Variants in RTN4 observed in about 807,000 individuals in gnomAD.
The protein encoded by RTN4 is reticulon 4, also known as reticulon-4.
A neutral mutation model predicts 90.4 loss-of-function variants in RTN4; 32 were observed. That is an observed-to-expected ratio of 0.35 (90% confidence interval 0.27 to 0.48). The LOEUF (loss-of-function observed/expected upper bound fraction) is 0.48. RTN4 is among the 20% of genes least tolerant of loss of function. The pLI is 0.99. For synonymous variants in RTN4, 629 were observed against 552.5 expected, an observed-to-expected ratio of 1.14 and a Z score of -1.94; for missense variants, 1,706 against 1,430.2, an observed-to-expected ratio of 1.19 and a Z score of -3.11.
intron 1 of RTN4, among the ~76,000 whole-genome samples, chr2:55,048,221 G>A (rs533571891): frequency 1.3e-5 from 2 of 152,334 alleles, no homozygotes; most frequent in South Asian, 4.1e-4. Context: ...AACAGAGCTT[G>A]CCAGCCTGGA....
chr2:55,043,890 A>G (rs1232306500), intron 1 of RTN4, among the ~76,000 whole-genome samples: 1 of 151,920 alleles, frequency 6.6e-6, no homozygotes, highest in Non-Finnish European at 1.5e-5. Context: ...CACCTCAAAA[A>G]TAAAATAAAA....
chr2:55,044,967 G>C (rs1301949890), intron 1 of RTN4, among the ~76,000 whole-genome samples: 1 of 152,072 alleles, frequency 6.6e-6, no homozygotes, highest in Non-Finnish European at 1.5e-5. Context: ...GGAATGGACA[G>C]GGCATGACTT....
the RTN4 span, among the ~76,000 whole-genome samples, chr2:55,135,843 CTTAGT>C: frequency 6.6e-6 from 1 of 152,084 alleles, no homozygotes; most frequent in African/African-American, 2.4e-5. Context: ...ACTGCTTTAA[CTTAGT>C]TTAATTATTG....
chr2:55,012,769 C>G (rs1188727978), intron 3 of RTN4, among the ~76,000 whole-genome samples: 1 of 151,996 alleles, frequency 6.6e-6, no homozygotes, highest in Non-Finnish European at 1.5e-5. Context: ...AGGCAATAAC[C>G]CAATCTTTCT....
intron 3 of RTN4, among the ~76,000 whole-genome samples, chr2:55,013,612 G>A (rs1364675662): frequency 1.6e-5 from 2 of 126,264 alleles, no homozygotes; most frequent in Non-Finnish European, 3.3e-5. Flanking sequence ...TTTTTTTGGG[G>A]GGGGGGGAGG....
chr2:55,046,821 A>T (rs1261353801), intron 1 of RTN4: 1 of 152,224 alleles, frequency 6.6e-6, no homozygotes, highest in Non-Finnish European at 1.5e-5. Flanking sequence ...CTTACTAAAA[A>T]AACTAAAGTT....
upstream of RTN4, among the ~76,000 whole-genome samples, chr2:55,117,282 G>T (rs1188760620): frequency 5.9e-5 from 9 of 152,210 alleles, no homozygotes; most frequent in Non-Finnish European, 1.0e-4. Context: ...CTGATCCAAT[G>T]TCACACACTG....
At chr2:55,071,543 CAAAAAAAAA>C (rs71410418) in intron 2 of RTN4, among the ~76,000 whole-genome samples, 25 of 99,514 alleles carry the variant, frequency 2.5e-4, no homozygotes, top group Non-Finnish European at 4.3e-4. Context: ...CATTTGCCAT[CAAAAAAAAA>C]AAAAAAAAAA....
chr2:55,063,624 TAATG>T, intron 2 of RTN4, among the ~76,000 whole-genome samples: 1 of 152,066 alleles, frequency 6.6e-6, no homozygotes, highest in South Asian at 2.1e-4. Context: ...CTCACACCTG[TAATG>T]CCTGCACTCT....
intron 5 of RTN4, among the ~76,000 whole-genome samples, chr2:54,980,836 A>G (rs1395078121): frequency 6.6e-6 from 1 of 152,126 alleles, no homozygotes; most frequent in Non-Finnish European, 1.5e-5. Context: ...CTCCTCAATC[A>G]CTTTTCACAC....
the RTN4 span, among the ~76,000 whole-genome samples, chr2:55,137,109 G>A: frequency 9.2e-5 from 14 of 152,226 alleles, no homozygotes; most frequent in African/African-American, 3.4e-4. Context: ...TTCCGTCTGG[G>A]GAGCTGAGGA....
chr2:55,097,838 A>G (rs1398424529), intron 1 of RTN4, among the ~76,000 whole-genome samples: 1 of 152,080 alleles, frequency 6.6e-6, no homozygotes, highest in African/African-American at 2.4e-5. Context: ...TTTCTGAATC[A>G]TTTGAATCAC....
Position 55,104,390 on chromosome 2 carries a change from T to C in RTN4, c.-214+8130A>G, listed in dbSNP as rs549013124. ...AATTTTTGAGACAAGTCTTGCTCTGTTGCCCAGGCTGGAGTGCAGCGTTGC... is the reference window on the plus strand; with the variant it reads ...AATTTTTGAGACAAGTCTTGCTCTGCTGCCCAGGCTGGAGTGCAGCGTTGC... On this transcript the variant is annotated intron_variant, in intron 1 of 3. Transcript: ENST00000427710. 2.6e-5 allele frequency among the ~76,000 whole-genome samples: 4 copies of C among 151,724 alleles called. No homozygotes were observed. The South Asian group carries it at 8.3e-4, about 32-fold the overall frequency.
chr2:55,019,993 G>A (rs928849306), intron 3 of RTN4, among the ~76,000 whole-genome samples: 1 of 152,034 alleles, frequency 6.6e-6, no homozygotes, highest in East Asian at 1.9e-4. Context: ...TTTAACCAAG[G>A]AGGTGAAAGA....
chr2:55,101,683 A>T (rs911916492), intron 1 of RTN4, among the ~76,000 whole-genome samples: 7 of 152,200 alleles, frequency 4.6e-5, no homozygotes, highest in Non-Finnish European at 1.0e-4. Flanking sequence ...GATGAAAAAG[A>T]TCAACCCAAT....
At chr2:55,017,158 A>T (rs1161982241) in intron 3 of RTN4, among the ~76,000 whole-genome samples, 1 of 152,214 alleles carries the variant, frequency 6.6e-6, no homozygotes, top group East Asian at 1.9e-4. Context: ...ATCATAATAA[A>T]GTCCAACTTA....
At chr2:55,030,711 CT>C (rs1682241580) in intron 1 of RTN4, among the ~76,000 whole-genome samples, 2 of 152,246 alleles carry the variant, frequency 1.3e-5, no homozygotes, top group South Asian at 4.2e-4. Context: ...AGTCTTTGTG[CT>C]TTATAATTAT....
chr2:54,973,897 A>G, intron 6 of RTN4, 30 bp from the exon 7 acceptor site: 2 of 1,592,460 alleles, frequency 1.3e-6, no homozygotes, highest in Non-Finnish European at 1.7e-6. Context: ...ACTTTTCAAA[A>G]AGAACGGAAT....
intron 1 of RTN4, among the ~76,000 whole-genome samples, chr2:55,093,316 T>A (rs916662949): frequency 6.6e-6 from 1 of 151,972 alleles, no homozygotes; most frequent in Non-Finnish European, 1.5e-5. Flanking sequence ...AATGCATGTA[T>A]ACCTGTATGT....
Sources: gnomAD v4.1 joint callset for allele counts (sites outside exome capture counted in the v4.1 genomes callset) on GRCh38, gnomAD v4.1.1 for gene constraint, MANE v1.5 for transcripts, NCBI Gene and HGNC (gene_info 2026-07-23, HGNC 2026-07-21) for gene names.